PLEK: variants seen among roughly 807,000 people sequenced by gnomAD.
The protein encoded by PLEK is pleckstrin.
PLEK carries 25 observed loss-of-function variants against 43.9 expected under a neutral mutation model. The observed-to-expected ratio is 0.57, with a 90% confidence interval of 0.41 to 0.79. The LOEUF (loss-of-function observed/expected upper bound fraction) is 0.79, where lower values mean the gene tolerates loss of function less well. PLEK is among the 30% of genes least tolerant of loss of function. PLEK has a pLI of 0.00. For synonymous variants in PLEK, 152 were observed against 144.4 expected (o/e 1.05, Z -0.38); for missense variants, 396 against 413.3 (o/e 0.96, Z 0.36).
chr2:68,380,471 T>C lies in PLEK; in HGVS notation c.186T>C (p.Phe62=). Residue 62 remains phenylalanine, a synonymous_variant, in exon 2 of 9, where the codon TTT becomes TTC. Coordinates refer to ENST00000234313, the MANE Select transcript of PLEK (RefSeq NM_002664.3). Reference sequence around the variant, plus strand: ...CTCTGACTAGCCCTTGTCAAGACTTTGGCAAAAGGATGGTAAGTTGACATC... The same window carrying C: ...CTCTGACTAGCCCTTGTCAAGACTTCGGCAAAAGGATGGTAAGTTGACATC... ...GSTLTSPCQD[F]GKRMFVFKIT... is the part of the protein sequence containing the mutation. 1 of 1,613,538 alleles carries C rather than the reference T, an allele frequency of 6.2e-7. No homozygotes were observed. The highest frequency in any genetic ancestry group is 8.5e-7 in the Non-Finnish European group (1 of 1,179,706).
intron 1 of PLEK, among the ~76,000 whole-genome samples, chr2:68,368,428 G>T (rs1673325371): frequency 6.6e-6 from 1 of 152,202 alleles, no homozygotes; most frequent in Admixed American, 6.5e-5. Flanking sequence ...GTGGCAAGAG[G>T]ATGACCTGGG....
chr2:68,392,638 C>A (rs996623605), intron 6 of PLEK, among the ~76,000 whole-genome samples: 1 of 152,162 alleles, frequency 6.6e-6, no homozygotes, highest in African/African-American at 2.4e-5. Context: ...GTCCTCCTAC[C>A]CACCTTTGTC....
At chr2:68,380,647 C>CA in intron 2 of PLEK, 76 bp from the exon 3 acceptor site, 1 of 1,488,754 alleles carries the variant, frequency 6.7e-7, no homozygotes, top group Non-Finnish European at 9.2e-7. Flanking sequence ...AGGTTTAGGC[C>CA]AATGGCCTCT....
intron 1 of PLEK, chr2:68,365,636 G>A: frequency 2.1e-6 from 1 of 467,012 alleles, no homozygotes; most frequent in Non-Finnish European, 3.9e-6. Context: ...GCAGGGCCTG[G>A]AAGGTGGGGA....
chr2:68,393,212 C>T lies in PLEK; in HGVS notation c.813C>T (p.Asp271=). 1 of 1,612,302 alleles carries T rather than the reference C, an allele frequency of 6.2e-7. No homozygotes were observed. Among genetic ancestry groups the T allele is most frequent in the Non-Finnish European group, 8.5e-7 (1 of 1,178,334 alleles). ...TGAGGAAGTTCATCTTGAGAGAAGA[C>T]CCTGCCTACCTGCACTACTATGACC... ...WKVRKFILRE[D]PAYLHYYDPA... The change falls in exon 7 of 9, where the codon GAC becomes GAT. Residue 271 remains aspartate, a synonymous_variant. Coordinates refer to ENST00000234313, the MANE Select transcript of PLEK (RefSeq NM_002664.3).
chr2:68,373,832 T>A (rs1384616994), intron 1 of PLEK, among the ~76,000 whole-genome samples: 1 of 152,196 alleles, frequency 6.6e-6, no homozygotes, highest in East Asian at 1.9e-4. Context: ...AGAACATGTC[T>A]TTCTTTTCTT....
intron 5 of PLEK, 195 bp from the exon 6 acceptor site, chr2:68,388,192 C>T (rs1420810796): frequency 7.7e-6 from 4 of 522,178 alleles, no homozygotes; most frequent in African/African-American, 7.6e-5. Context: ...AAAGGAACAG[C>T]CCCGGAAGCA....
chr2:68,387,178 G>A (rs533934616), intron 5 of PLEK, among the ~76,000 whole-genome samples: 23 of 152,128 alleles, frequency 1.5e-4, no homozygotes, highest in East Asian at 7.7e-4. Context: ...GCTAATTTTC[G>A]TATTTTTAGT....
In PLEK at chr2:68,395,846, G is replaced by A. The variant is rs759687764; in HGVS notation, c.*30G>A. 12 of 1,602,440 alleles carry A rather than the reference G, an allele frequency of 7.5e-6. No individual in the cohort carries two copies. The highest frequency in any genetic ancestry group is 1.0e-5 in the Non-Finnish European group (12 of 1,170,020). On this transcript the variant is annotated 3_prime_UTR_variant, in exon 9 of 9. Coordinates refer to ENST00000234313, the MANE Select transcript of PLEK (RefSeq NM_002664.3). ...ACTCCTGCATTCCTCCTCCCCTCCT[G>A]AGGGAAGCCCATGGACAAGCTCAGT...
chr2:68,389,674 A>G (rs1017110740), intron 6 of PLEK, among the ~76,000 whole-genome samples: 1 of 152,246 alleles, frequency 6.6e-6, no homozygotes, highest in African/African-American at 2.4e-5. Flanking sequence ...AATATATGGC[A>G]AGAATTTATA....
At chr2:68,372,177 A>ATTTT (rs57326035) in intron 1 of PLEK, among the ~76,000 whole-genome samples, 6 of 148,354 alleles carry the variant, frequency 4.0e-5, no homozygotes, top group Non-Finnish European at 4.5e-5. Context: ...AGAGAAGTTC[A>ATTTT]TTTTTTTTTT....
At chr2:68,394,861 C>T (rs1008729502) in intron 8 of PLEK, among the ~76,000 whole-genome samples, 3 of 152,122 alleles carry the variant, frequency 2.0e-5, no homozygotes, top group African/African-American at 7.2e-5. Flanking sequence ...ACATCCCAAA[C>T]CCTGGTTTTG....
chr2:68,374,923 T>C (rs1673474461), intron 1 of PLEK, among the ~76,000 whole-genome samples: 1 of 152,208 alleles, frequency 6.6e-6, no homozygotes, highest in South Asian at 2.1e-4. Flanking sequence ...ACAGTTTACT[T>C]ATTCCTTCTC....
intron 1 of PLEK, among the ~76,000 whole-genome samples, chr2:68,370,293 A>G (rs1178100382): frequency 6.6e-6 from 1 of 152,176 alleles, no homozygotes; most frequent in Non-Finnish European, 1.5e-5. Context: ...GGTTCTAAAC[A>G]CAAATATCCG....
At chr2:68,373,212 C>T (rs1335875547) in intron 1 of PLEK, among the ~76,000 whole-genome samples, 1 of 152,064 alleles carries the variant, frequency 6.6e-6, no homozygotes, top group East Asian at 1.9e-4. Context: ...GAGAGAAAAA[C>T]CTCCTCAAAT....
rs183669896 is a variant in PLEK, at chr2:68,375,701, G to A, written c.43-4627G>A. ...TGGTCAACTGGACCTTTATATAGAG[G>A]CCCTTTGTATTTTGAGATAAGCAGC... On this transcript the variant is annotated intron_variant, in intron 1 of 8. Transcript: ENST00000234313. Among the ~76,000 whole-genome samples, 1,518 of 152,258 alleles carry A rather than the reference G, an allele frequency of 1.0e-2. 41 individuals carry two copies. Among genetic ancestry groups the A allele is most frequent in the Admixed American group, 0.064 (973 of 15,276 alleles).
Position 68,387,098 on chromosome 2 carries a change from C to T in PLEK, c.657+412C>T, listed in dbSNP as rs142279695. Among the ~76,000 whole-genome samples, 345 of 152,244 alleles carry T rather than the reference C, an allele frequency of 2.3e-3. 2 individuals carry two copies. The highest frequency in any genetic ancestry group is 7.9e-3 in the African/African-American group (327 of 41,554). On this transcript the variant is annotated intron_variant, in intron 5 of 8. Coordinates refer to ENST00000234313, the MANE Select transcript of PLEK (RefSeq NM_002664.3). Reference sequence around the variant, plus strand: ...TCGGCTCACTGCAACCTCCGCCTCCCGGGTTCAAGCGATTTTCCTGTCTCA... The same window carrying T: ...TCGGCTCACTGCAACCTCCGCCTCCTGGGTTCAAGCGATTTTCCTGTCTCA...
At chr2:68,383,645 A>G (rs1257772721) in intron 4 of PLEK, among the ~76,000 whole-genome samples, 1 of 152,184 alleles carries the variant, frequency 6.6e-6, no homozygotes, top group Non-Finnish European at 1.5e-5. Flanking sequence ...CTGACGGTTC[A>G]TCAGGGGGAG....
intron 1 of PLEK, among the ~76,000 whole-genome samples, chr2:68,376,833 T>C (rs1673513104): frequency 6.6e-6 from 1 of 152,168 alleles, no homozygotes; most frequent in Admixed American, 6.5e-5. Flanking sequence ...AGTCACACTG[T>C]TGTGCTATGA....
Sources: allele counts gnomAD v4.1 joint callset (sites outside exome capture counted in the v4.1 genomes callset), GRCh38; gene constraint gnomAD v4.1.1; transcripts MANE v1.5; gene names NCBI Gene and HGNC (gene_info 2026-07-23, HGNC 2026-07-21).